The following SEMA6D variants were observed in gnomAD, a reference collection of about 807,000 sequenced individuals.
SEMA6D encodes the protein semaphorin-6D.
Under a neutral mutation model 106.6 loss-of-function variants are expected in SEMA6D, and 35 were observed. That is an observed-to-expected ratio of 0.33 (90% CI 0.25 to 0.44). The LOEUF is 0.44. Ranked by LOEUF, SEMA6D falls within the 20% of genes least tolerant of loss-of-function variation. SEMA6D has a pLI of 1.00. For missense variants in SEMA6D, 1,185 were observed against 1,345.9 expected, an observed-to-expected ratio of 0.88 and a Z score of 1.87; for synonymous variants, 499 against 487.7, an observed-to-expected ratio of 1.02 and a Z score of -0.31.
intron 1 of SEMA6D, among the ~76,000 whole-genome samples, chr15:47,755,319 T>A (rs2081655105): frequency 6.6e-6 from 1 of 152,196 alleles, no homozygotes; most frequent in Non-Finnish European, 1.5e-5. Context: ...TGTCATCTTT[T>A]TTTCTTGCAC....
At chr15:47,632,106 GTT>G (rs1302681014) in intron 4 of SEMA6D, among the ~76,000 whole-genome samples, 1 of 151,434 alleles carries the variant, frequency 6.6e-6, no homozygotes, top group Admixed American at 6.6e-5. Flanking sequence ...TTGTCTTTCT[GTT>G]TTTTGTTTTT....
intron 4 of SEMA6D, among the ~76,000 whole-genome samples, chr15:47,669,641 G>A (rs960736382): frequency 1.3e-5 from 2 of 152,082 alleles, no homozygotes; most frequent in Non-Finnish European, 2.9e-5. Context: ...TGACCCCACC[G>A]ATCTCCTTAT....
chr15:47,740,596 C>T (rs1433032440), intron 1 of SEMA6D, among the ~76,000 whole-genome samples: 1 of 152,148 alleles, frequency 6.6e-6, no homozygotes, highest in African/African-American at 2.4e-5. Context: ...ATAGTTTTCT[C>T]TCATATCCAC....
Position 47,319,894 on chromosome 15 carries a change from G to A in SEMA6D, c.-238-92499G>A, listed in dbSNP as rs563026693. Reference sequence around the variant, plus strand: ...TAACTTTCAAAATTGTCCACACTGAGCTTTTGGCAATTCATCAATTACAGT... The same window carrying A: ...TAACTTTCAAAATTGTCCACACTGAACTTTTGGCAATTCATCAATTACAGT... On this transcript the variant is annotated intron_variant, in intron 1 of 19. Coordinates refer to the SEMA6D transcript ENST00000558014. Among the ~76,000 whole-genome samples, 3 of 152,126 alleles carry A rather than the reference G, an allele frequency of 2.0e-5. No individual in the cohort carries two copies. The South Asian group carries it at 6.2e-4, about 32-fold the overall frequency.
chr15:47,265,354 A>G (rs887464575), intron 1 of SEMA6D, among the ~76,000 whole-genome samples: 1 of 151,790 alleles, frequency 6.6e-6, no homozygotes, highest in African/African-American at 2.4e-5. Flanking sequence ...TGTGTCTATG[A>G]TTGTATCCAT....
intron 3 of SEMA6D, among the ~76,000 whole-genome samples, chr15:47,512,677 A>G (rs2044268569): frequency 6.6e-6 from 1 of 152,224 alleles, no homozygotes; most frequent in South Asian, 2.1e-4. Flanking sequence ...CTGGATACAA[A>G]GGACCAAGAC....
At chr15:47,641,289 C>A (rs1228327288) in intron 4 of SEMA6D, among the ~76,000 whole-genome samples, 1 of 152,206 alleles carries the variant, frequency 6.6e-6, no homozygotes, top group Non-Finnish European at 1.5e-5. Flanking sequence ...AGCTACTGTT[C>A]AAGATGCAGG....
intron 3 of SEMA6D, among the ~76,000 whole-genome samples, chr15:47,478,311 T>C (rs1274459018): frequency 6.6e-6 from 1 of 152,182 alleles, no homozygotes; most frequent in Non-Finnish European, 1.5e-5. Flanking sequence ...GCAAAGAATG[T>C]AAGGTTTATG....
At chr15:47,575,569 A>G (rs1394584838) in intron 3 of SEMA6D, among the ~76,000 whole-genome samples, 2 of 152,124 alleles carry the variant, frequency 1.3e-5, no homozygotes, top group East Asian at 1.9e-4. Flanking sequence ...ACTACAGAAA[A>G]TTAGCTGGGC....
At chr15:47,460,019 C>A (rs184742127) in intron 2 of SEMA6D, among the ~76,000 whole-genome samples, 1 of 152,038 alleles carries the variant, frequency 6.6e-6, no homozygotes, top group Admixed American at 6.6e-5. Flanking sequence ...CAGGGAGTTT[C>A]AAAATCTTAC....
intron 3 of SEMA6D, among the ~76,000 whole-genome samples, chr15:47,599,056 A>T (rs770312951): frequency 6.6e-6 from 1 of 152,104 alleles, no homozygotes; most frequent in Non-Finnish European, 1.5e-5. Flanking sequence ...CTTATCGATG[A>T]GCATTCCTGG....
At chr15:47,514,074 C>A (rs147476254) in intron 3 of SEMA6D, among the ~76,000 whole-genome samples, 1 of 152,188 alleles carries the variant, frequency 6.6e-6, no homozygotes, top group African/African-American at 2.4e-5. Context: ...GCTAAACGGA[C>A]AGTGTGGTCT....
At chr15:47,488,940 C>A (rs2043380406) in intron 3 of SEMA6D, among the ~76,000 whole-genome samples, 1 of 152,142 alleles carries the variant, frequency 6.6e-6, no homozygotes, top group African/African-American at 2.4e-5. Flanking sequence ...AAGTGATATT[C>A]TGTAGTGGGT....
At chr15:47,224,512 T>C (rs2031484560) in intron 1 of SEMA6D, among the ~76,000 whole-genome samples, 1 of 152,128 alleles carries the variant, frequency 6.6e-6, no homozygotes, top group Non-Finnish European at 1.5e-5. Context: ...ATAGGGAAAC[T>C]GAAGTGCAGA....
intron 1 of SEMA6D, among the ~76,000 whole-genome samples, chr15:47,227,129 G>A (rs2031733730): frequency 6.6e-6 from 1 of 152,014 alleles, no homozygotes; most frequent in Non-Finnish European, 1.5e-5. Context: ...TTGAACACAT[G>A]ATTATCATCA....
rs551584734 is a variant in SEMA6D, at chr15:47,435,126, A to T, written c.-159+22654A>T. 3.9e-4 allele frequency among the ~76,000 whole-genome samples: 59 copies of T among 152,278 alleles called. 1 individual carries two copies. Among genetic ancestry groups the T allele is most frequent in the African/African-American group, 1.4e-3 (57 of 41,584 alleles). ...TTCTTTTTATACTATATTTTAACTTATTCTTCATAGATTTTGCAGTTAACA... is the reference window on the plus strand; with the variant it reads ...TTCTTTTTATACTATATTTTAACTTTTTCTTCATAGATTTTGCAGTTAACA... On this transcript the variant is annotated intron_variant, in intron 2 of 19. Coordinates refer to the SEMA6D transcript ENST00000558014.
chr15:47,662,857 G>GCACA (rs140613951), intron 4 of SEMA6D, among the ~76,000 whole-genome samples: 53,908 of 133,870 alleles, frequency 0.4, 11,317 homozygotes, highest in Non-Finnish European at 0.52. Context: ...GTGTATGAGC[G>GCACA]CACACACACA....
At chr15:47,283,451 T>C (rs2035221161) in intron 1 of SEMA6D, among the ~76,000 whole-genome samples, 1 of 152,198 alleles carries the variant, frequency 6.6e-6, no homozygotes, top group Non-Finnish European at 1.5e-5. Context: ...TGGTGTTTAC[T>C]TACAGCTTAC....
At chr15:47,348,116 G>A (rs1009563392) in intron 1 of SEMA6D, among the ~76,000 whole-genome samples, 1 of 152,212 alleles carries the variant, frequency 6.6e-6, no homozygotes, top group Non-Finnish European at 1.5e-5. Context: ...ATATATTTAG[G>A]TATAAGGCTG....
Sources: gnomAD v4.1 joint callset for allele counts (sites outside exome capture counted in the v4.1 genomes callset) on GRCh38, gnomAD v4.1.1 for gene constraint, MANE v1.5 for transcripts, NCBI Gene and HGNC (gene_info 2026-07-23, HGNC 2026-07-21) for gene names.